TAPBPL: variants seen among roughly 807,000 people sequenced by gnomAD.
The protein encoded by TAPBPL is TAP binding protein like, also known as tapasin-related protein.
In TAPBPL, 32 loss-of-function variants were observed where a neutral mutation model predicts 44.8. The observed-to-expected ratio is 0.71, with a 90% CI of 0.54 to 0.96. The LOEUF (loss-of-function observed/expected upper bound fraction) is 0.96. Among genes scored for constraint, TAPBPL ranks in the 40% least tolerant of loss-of-function variants. TAPBPL has a pLI of 0.00. For missense variants in TAPBPL, 520 were observed against 586.6 expected (o/e 0.89, Z 1.17); for synonymous variants, 230 against 240.7 (o/e 0.96, Z 0.41).
At chr12:6,469,577 A>G (rs1446900286), downstream of TAPBPL, among the ~76,000 whole-genome samples, 1 of 152,250 alleles carries the variant, frequency 6.6e-6, no homozygotes, top group Non-Finnish European at 1.5e-5. Flanking sequence ...ACTCAACAGT[A>G]AAATATCTAG....
At chr12:6,461,261 G>A in intron 6 of TAPBPL, 2 of 1,189,470 alleles carry the variant, frequency 1.7e-6, no homozygotes, top group African/African-American at 1.6e-5. Flanking sequence ...CACTGGGCCT[G>A]GCTCTGCAGA....
chr12:6,453,513 C>T lies in TAPBPL; in HGVS notation c.362C>T (p.Thr121Ile), dbSNP rs1365481053. Residue 121 changes from threonine (T) to isoleucine (I), a missense_variant, in exon 3 of 7, where the codon ACC (threonine) becomes ATC (isoleucine). By Grantham distance (89) the Thr-to-Ile change is moderately conservative (BLOSUM62 -1). Transcript: ENST00000266556. The surrounding 1 kb of genome is among the most constrained non-coding windows in gnomAD (Gnocchi z 4.8). ...GCTGACTGCAGTGGGAAGGAGGTGACCTGTGAGATCTCCCGCTACTTTCTC... is the reference window on the plus strand; with the variant it reads ...GCTGACTGCAGTGGGAAGGAGGTGATCTGTGAGATCTCCCGCTACTTTCTC... ...LHADCSGKEV[T>I]CEISRYFLQM... The T allele has an allele frequency of 1.2e-6, 2 of 1,614,160 alleles. No homozygotes were observed. Among genetic ancestry groups the T allele is most frequent in the Admixed American group, 3.3e-5 (2 of 60,022 alleles).
chr12:6,470,126 G>C (rs147523509), downstream of TAPBPL, among the ~76,000 whole-genome samples: 46 of 152,334 alleles, frequency 3.0e-4, no homozygotes, highest in Middle Eastern at 3.4e-3. Flanking sequence ...TTGCACCCAT[G>C]ACTGTCTTTC....
At chr12:6,452,960 G>A in intron 1 of TAPBPL, 107 bp from the exon 2 acceptor site, 1 of 1,171,500 alleles carries the variant, frequency 8.5e-7, no homozygotes, top group Non-Finnish European at 1.2e-6. Flanking sequence ...GATCTTGGAT[G>A]GCAACTTTTA....
At chr12:6,463,721 GA>G, downstream of TAPBPL, 1 of 1,152,726 alleles carries the variant, frequency 8.7e-7, no homozygotes, top group Non-Finnish European at 1.1e-6. This position sits in a 1 kb window ranked among gnomAD's most constrained non-coding sequence, Gnocchi z 4.0. Context: ...GAATGCTGTA[GA>G]AAATGTAAAG....
the TAPBPL span, among the ~76,000 whole-genome samples, chr12:6,471,804 G>A: frequency 6.7e-6 from 1 of 149,540 alleles, no homozygotes. This position sits in a 1 kb window ranked among gnomAD's most constrained non-coding sequence, Gnocchi z 4.0. Flanking sequence ...TCCAGCCTGG[G>A]CAACAGAGCA....
chr12:6,464,998 C>A (rs927947783), downstream of TAPBPL: 2 of 1,607,652 alleles, frequency 1.2e-6, no homozygotes, highest in African/African-American at 2.7e-5. Context: ...GGAAAAGAGC[C>A]ACATCTCTAG....
At chr12:6,469,541 C>T (rs907330388), downstream of TAPBPL, among the ~76,000 whole-genome samples, 4 of 152,188 alleles carry the variant, frequency 2.6e-5, no homozygotes, top group African/African-American at 9.7e-5. Context: ...GCCAATTTCA[C>T]TTACTACTTG....
At chr12:6,465,357 AGT>A (rs1491221550), downstream of TAPBPL, 2,606 of 214,474 alleles carry the variant, frequency 0.012, 33 homozygotes, top group Non-Finnish European at 0.017. Context: ...AAAAGAAAAA[AGT>A]ATATATATAT....
chr12:6,463,105 A>G, downstream of TAPBPL: 2 of 1,514,538 alleles, frequency 1.3e-6, no homozygotes, highest in Non-Finnish European at 1.8e-6. This position sits in a 1 kb window ranked among gnomAD's most constrained non-coding sequence, Gnocchi z 4.0. Context: ...ATTGCCCCGA[A>G]GATAGGCTGA....
At chr12:6,452,683 G>C (rs1232876875) in intron 1 of TAPBPL, 2 of 1,090,180 alleles carry the variant, frequency 1.8e-6, no homozygotes, top group Admixed American at 3.9e-5. Flanking sequence ...CGAAATGGGA[G>C]AAAGCAGTGC....
At chr12:6,465,971 GT>G, downstream of TAPBPL, 1 of 1,614,250 alleles carries the variant, frequency 6.2e-7, no homozygotes, top group Non-Finnish European at 8.5e-7. Flanking sequence ...CCAGGACCTT[GT>G]CCACGTTCAC....
downstream of TAPBPL, chr12:6,464,260 C>T (rs546853015): frequency 9.8e-6 from 15 of 1,532,846 alleles, no homozygotes; most frequent in African/African-American, 1.1e-4. Context: ...TGTTGCTCTT[C>T]GGGTAATGAC....
downstream of TAPBPL, among the ~76,000 whole-genome samples, chr12:6,467,519 A>C (rs112291021): frequency 0.066 from 10,070 of 152,202 alleles, 682 homozygotes; most frequent in African/African-American, 0.17. Flanking sequence ...TTTGAACTTG[A>C]GAGAGATAAT....
At chr12:6,456,637 T>C (rs1401329892) in intron 3 of TAPBPL, among the ~76,000 whole-genome samples, 1 of 151,286 alleles carries the variant, frequency 6.6e-6, no homozygotes, top group East Asian at 1.9e-4. Flanking sequence ...ACCACGTGTG[T>C]TTTTTTGTTT....
intron 3 of TAPBPL, 110 bp from the exon 4 acceptor site, chr12:6,457,296 G>C (rs908969336): frequency 1.2e-5 from 13 of 1,041,262 alleles, no homozygotes; most frequent in African/African-American, 1.1e-4. Context: ...CAACCGGCCT[G>C]TCAGGCGAGG....
chr12:6,465,864 T>G, downstream of TAPBPL: 2 of 1,614,210 alleles, frequency 1.2e-6, no homozygotes, highest in Non-Finnish European at 1.7e-6. Flanking sequence ...CCACCAATAC[T>G]TCCTCTTTAG....
At chr12:6,459,419 G>T (rs942849835) in intron 5 of TAPBPL, among the ~76,000 whole-genome samples, 6 of 152,190 alleles carry the variant, frequency 3.9e-5, no homozygotes, top group African/African-American at 1.4e-4. Flanking sequence ...GGGTATATGG[G>T]AAAAAGGGAA....
chr12:6,462,041 A>G lies in TAPBPL; in HGVS notation c.1299A>G (p.Thr433=). The G allele has an allele frequency of 6.2e-7, 1 of 1,612,676 alleles. No homozygotes were observed. Among genetic ancestry groups the G allele is most frequent in the Non-Finnish European group, 8.5e-7 (1 of 1,178,952 alleles). Residue 433 remains threonine (T), a synonymous_variant, in exon 7 of 7, where the codon ACA becomes ACG. Coordinates refer to ENST00000266556, the MANE Select transcript of TAPBPL (RefSeq NM_018009.5). The stretch of plus-strand genomic sequence containing the variant: ...TTCACTTCCTCTTACCAGCACCTAC[A>G]GGACTTGGGCTGCTTCAGGCTGAAC... ...FLGLQRRQAP[T]GLGLLQAERW... is the part of the protein sequence containing the mutation.
Sources: gnomAD v4.1 joint callset for allele counts (sites outside exome capture counted in the v4.1 genomes callset) on GRCh38, gnomAD v4.1.1 for gene constraint, Gnocchi (gnomAD v3.1) non-coding constraint, MANE v1.5 for transcripts, NCBI Gene and HGNC (gene_info 2026-07-23, HGNC 2026-07-21) for gene names.